Variants in ARHGAP44 observed in about 807,000 individuals in gnomAD.
ARHGAP44 encodes the protein Rho GTPase activating protein 44.
ARHGAP44 carries 43 observed loss-of-function variants against 106.8 expected under a neutral mutation model. The observed-to-expected ratio is 0.40, with a 90% CI of 0.32 to 0.52. The LOEUF (loss-of-function observed/expected upper bound fraction) is 0.52. Among genes scored for constraint, ARHGAP44 ranks in the 20% least tolerant of loss-of-function variants. ARHGAP44 has a pLI of 0.48. For missense variants in ARHGAP44, 866 were observed against 1,050.5 expected (o/e 0.82, Z 2.43); for synonymous variants, 439 against 410.3 (o/e 1.07, Z -0.85).
rs1400404910 is a variant in ARHGAP44 at position 12,789,801 on chromosome 17, T to G, written c.-38T>G. 8 of 1,490,946 alleles carry G rather than the reference T, an allele frequency of 5.4e-6. No individual in the cohort carries two copies. Among genetic ancestry groups the G allele is most frequent in the Non-Finnish European group, 6.2e-6 (7 of 1,121,508 alleles). The allele number at this position is 1,490,946 out of a possible 1,614,324, so 92.4% of individuals were successfully genotyped here. A position where few individuals can be genotyped will look rare whatever the true frequency, so the allele number is the denominator to read the frequency against. On this transcript the variant is annotated 5_prime_UTR_variant, in exon 1 of 21. Transcript: ENST00000379672. ...CGGCGGGCTCCGGGCTGCTCCGTCC[T>G]TCCCCAGCTCCCGGGCTAGCGCGGC...
At chr17:12,852,991 A>G (rs1019680337) in intron 1 of ARHGAP44, among the ~76,000 whole-genome samples, 6 of 152,248 alleles carry the variant, frequency 3.9e-5, no homozygotes, top group Admixed American at 3.9e-4. Flanking sequence ...CTAGAGGGAC[A>G]GGACTGATAG....
intron 1 of ARHGAP44, among the ~76,000 whole-genome samples, chr17:12,876,835 C>T (rs750276979): frequency 1.3e-5 from 2 of 149,470 alleles, no homozygotes; most frequent in Admixed American, 6.8e-5. Flanking sequence ...CACTTGAACC[C>T]GGGAGGCAGA....
In ARHGAP44 at chr17:12,803,833, T is replaced by C. The variant is rs1040382834; in HGVS notation, c.53+13942T>C. On this transcript the variant is annotated intron_variant, in intron 1 of 20. Transcript: ENST00000379672. ...TGTGGGGAAAAAAATCCTAGCACTG[T>C]TGGAAATACTGCATACTATAAATTT... Among the ~76,000 whole-genome samples the C allele has an allele frequency of 2.0e-5, 3 of 152,332 alleles. No individual in the cohort carries two copies. The Middle Eastern group carries it at 0.01, about 518-fold the overall frequency.
chr17:12,867,169 T>G (rs994469993), intron 1 of ARHGAP44, among the ~76,000 whole-genome samples: 1 of 151,250 alleles, frequency 6.6e-6, no homozygotes, highest in African/African-American at 2.4e-5. Flanking sequence ...CAGGTCACAG[T>G]TATAAGAAGG....
At chr17:12,842,044 T>C (rs994991118) in intron 1 of ARHGAP44, among the ~76,000 whole-genome samples, 1 of 151,942 alleles carries the variant, frequency 6.6e-6, no homozygotes, top group Admixed American at 6.6e-5. Context: ...GACAGCAGTG[T>C]TATGCAGCCA....
chr17:12,849,594 TG>T (rs2035681261), intron 1 of ARHGAP44, among the ~76,000 whole-genome samples: 26 of 112,452 alleles, frequency 2.3e-4, no homozygotes, highest in African/African-American at 1.0e-3. Flanking sequence ...TTTTTTTTTT[TG>T]CTTGGCTTCA....
At chr17:12,929,153 T>C in intron 7 of ARHGAP44, 107 bp downstream of exon 7, 1 of 1,064,202 alleles carries the variant, frequency 9.4e-7, no homozygotes, top group Non-Finnish European at 1.4e-6. Context: ...GAGGCTCTAG[T>C]TGAACTGAAT....
chr17:12,891,630 A>C (rs1488825008), intron 1 of ARHGAP44, among the ~76,000 whole-genome samples: 2 of 152,148 alleles, frequency 1.3e-5, no homozygotes, highest in Non-Finnish European at 2.9e-5. Flanking sequence ...CAACATGTGA[A>C]CTTTGAGGAA....
At chr17:12,923,323 G>A (rs999563224) in intron 6 of ARHGAP44, among the ~76,000 whole-genome samples, 2 of 152,154 alleles carry the variant, frequency 1.3e-5, no homozygotes, top group East Asian at 1.9e-4. Flanking sequence ...CGATTCTCCT[G>A]CCTCAGCCTC....
intron 12 of ARHGAP44, among the ~76,000 whole-genome samples, chr17:12,951,824 G>T (rs71364193): frequency 6.6e-6 from 1 of 152,084 alleles, no homozygotes; most frequent in Non-Finnish European, 1.5e-5. Context: ...ATACTAATGC[G>T]TGAACCCTTT....
In ARHGAP44 at chr17:12,789,629, G is replaced by A. The variant is rs1320647375; in HGVS notation, c.-210G>A. On this transcript the variant is annotated 5_prime_UTR_variant, in exon 1 of 21. Coordinates refer to ENST00000379672, the MANE Select transcript of ARHGAP44 (RefSeq NM_014859.6). ...CCCGGGCATTGCGCGGCGCGCGTGA[G>A]GGGGATGCGGCAGGAGGCGGCGCGG... is the stretch of plus-strand genomic sequence containing the variant. The A allele has an allele frequency of 1.2e-5, 4 of 339,006 alleles. No individual in the cohort carries two copies. Among genetic ancestry groups the A allele is most frequent in the Non-Finnish European group, 2.1e-5 (4 of 190,474 alleles). The allele number at this position is 339,006 out of a possible 1,614,324, so 21.0% of individuals were successfully genotyped here.
In ARHGAP44 at chr17:12,908,947, T is replaced by C. The variant is rs2037641780; in HGVS notation, c.249T>C (p.Ala83=). Residue 83 remains alanine, a synonymous_variant, in exon 4 of 21, where the codon GCT becomes GCC. Coordinates refer to ENST00000379672, the MANE Select transcript of ARHGAP44 (RefSeq NM_014859.6). ...TLAQCLMEGS[A]ILGDDTLLGK... ...CTCAGTGTCTGATGGAGGGGTCAGC[T>C]ATCCTGGGAGATGACACACTTCTTG... 1 of 1,598,300 alleles carries C rather than the reference T, an allele frequency of 6.3e-7. No individual in the cohort carries two copies. The highest frequency in any genetic ancestry group is 2.3e-5 in the East Asian group (1 of 44,016).
Position 12,958,745 on chromosome 17 carries a change from T to C in ARHGAP44, c.1371T>C (p.Tyr457=). 1.2e-6 allele frequency: 2 copies of C among 1,613,944 alleles called. No individual in the cohort carries two copies. Among genetic ancestry groups the C allele is most frequent in the Non-Finnish European group, 1.7e-6 (2 of 1,179,880 alleles). Residue 457 remains tyrosine, a synonymous_variant, in exon 16 of 21, where the codon TAT becomes TAC. Coordinates refer to ENST00000379672, the MANE Select transcript of ARHGAP44 (RefSeq NM_014859.6). This position sits in a 1 kb window ranked among gnomAD's most constrained non-coding sequence, Gnocchi z 4.1. ...TAGAGTTCAACATTACTGGCAATTA[T>C]GGGAGTCCAGTACACGTGAACCATA... ...GEIEFNITGN[Y]GSPVHVNHNA...
chr17:12,860,334 T>C (rs984649245), intron 1 of ARHGAP44, among the ~76,000 whole-genome samples: 5 of 152,260 alleles, frequency 3.3e-5, no homozygotes, highest in African/African-American at 1.2e-4. Context: ...GCATTTGCGA[T>C]ATACCCTCTT....
At chr17:12,952,885 G>A (rs1018153816) in intron 13 of ARHGAP44, among the ~76,000 whole-genome samples, 1 of 151,660 alleles carries the variant, frequency 6.6e-6, no homozygotes, top group African/African-American at 2.4e-5. Flanking sequence ...CCACCACCAC[G>A]CGTGGTCTCT....
At chr17:12,952,848 C>T (rs998839283) in intron 13 of ARHGAP44, among the ~76,000 whole-genome samples, 6 of 151,484 alleles carry the variant, frequency 4.0e-5, no homozygotes, top group African/African-American at 1.5e-4. Context: ...ATTCTCCTGC[C>T]TCAGCCTCCC....
At chr17:12,981,317 C>T (rs187413797) in intron 19 of ARHGAP44, among the ~76,000 whole-genome samples, 18 of 151,972 alleles carry the variant, frequency 1.2e-4, no homozygotes, top group East Asian at 1.9e-4. Flanking sequence ...GCCAAAGTGC[C>T]GGCGTGAGAT....
rs75406040 is a variant in ARHGAP44 at position 12,888,231 on chromosome 17, A to G, written c.54-6709A>G. Among the ~76,000 whole-genome samples the G allele has an allele frequency of 4.8e-3, 732 of 152,210 alleles. 7 individuals carry two copies. Among genetic ancestry groups the G allele is most frequent in the African/African-American group, 0.017 (697 of 41,558 alleles). ...ACTTGGAACTATTCTTTTCTAATGT[A>G]TAGATTTAATGCTATAATTTTTTTC... On this transcript the variant is annotated intron_variant, in intron 1 of 20. Coordinates refer to ENST00000379672, the MANE Select transcript of ARHGAP44 (RefSeq NM_014859.6).
intron 1 of ARHGAP44, among the ~76,000 whole-genome samples, chr17:12,843,612 A>G (rs2035481068): frequency 6.7e-6 from 1 of 149,628 alleles, no homozygotes; most frequent in South Asian, 2.1e-4. Context: ...CATTCTAGAA[A>G]CTGTGGATGC....
Sources: allele counts gnomAD v4.1 joint callset (sites outside exome capture counted in the v4.1 genomes callset), GRCh38; gene constraint gnomAD v4.1.1; non-coding constraint Gnocchi (gnomAD v3.1); transcripts MANE v1.5; gene names NCBI Gene and HGNC (gene_info 2026-07-23, HGNC 2026-07-21).